The following TENM2 variants were observed in gnomAD, a reference collection of about 807,000 sequenced individuals.
TENM2 encodes teneurin-2.
TENM2 carries 52 observed loss-of-function variants against 245.2 expected under a neutral mutation model. The observed-to-expected ratio is 0.21, with a 90% CI of 0.17 to 0.27. TENM2 has a LOEUF of 0.27. Among genes scored for constraint, TENM2 ranks in the 10% least tolerant of loss-of-function variants. The pLI is 1.00. For synonymous variants in TENM2, 1,363 were observed against 1,438.9 expected, an observed-to-expected ratio of 0.95 and a Z score of 1.19; for missense variants, 3,046 against 3,666.8, an observed-to-expected ratio of 0.83 and a Z score of 4.37.
intron 4 of TENM2, among the ~76,000 whole-genome samples, chr5:167,969,806 G>A (rs1230851954): frequency 6.6e-6 from 1 of 152,194 alleles, no homozygotes; most frequent in Non-Finnish European, 1.5e-5. Context: ...TGAGTCTCAT[G>A]GAATCCAACT....
At chr5:167,319,532 T>A (rs1408791266) in intron 1 of TENM2, among the ~76,000 whole-genome samples, 1 of 152,196 alleles carries the variant, frequency 6.6e-6, no homozygotes, top group Non-Finnish European at 1.5e-5. Flanking sequence ...GAATCACAGA[T>A]GGTTAATACT....
At chr5:168,022,435 A>C (rs1365756183) in intron 5 of TENM2, among the ~76,000 whole-genome samples, 1 of 152,222 alleles carries the variant, frequency 6.6e-6, no homozygotes, top group African/African-American at 2.4e-5. Context: ...CCCAAATCCT[A>C]CTGAAAGAAA....
chr5:167,468,548 C>T (rs1310603017), intron 2 of TENM2, among the ~76,000 whole-genome samples: 2 of 151,996 alleles, frequency 1.3e-5, no homozygotes, highest in Non-Finnish European at 2.9e-5. Flanking sequence ...CCTATGAGGG[C>T]ATCATTATTA....
intron 2 of TENM2, among the ~76,000 whole-genome samples, chr5:167,742,997 A>G (rs950259651): frequency 6.6e-6 from 1 of 151,438 alleles, no homozygotes. Flanking sequence ...AACAACAACA[A>G]CAACAACAAC....
chr5:167,135,872 T>C, the TENM2 span, among the ~76,000 whole-genome samples: 2 of 152,216 alleles, frequency 1.3e-5, no homozygotes, highest in Non-Finnish European at 2.9e-5. Context: ...TGATCTTGGT[T>C]ATCTGTCCTG....
chr5:167,955,153 G>A (rs945830469), intron 4 of TENM2, among the ~76,000 whole-genome samples: 5 of 152,160 alleles, frequency 3.3e-5, no homozygotes, highest in Admixed American at 2.6e-4. Flanking sequence ...TTCAATGATC[G>A]CCATTGTAAC....
chr5:167,002,296 T>C, the TENM2 span, among the ~76,000 whole-genome samples: 11 of 152,294 alleles, frequency 7.2e-5, no homozygotes, highest in Admixed American at 6.5e-4. Flanking sequence ...AAATTGTATG[T>C]GAACTCTTTC....
At chr5:167,071,425 C>A in the TENM2 span, among the ~76,000 whole-genome samples, 1 of 152,052 alleles carries the variant, frequency 6.6e-6, no homozygotes, top group Non-Finnish European at 1.5e-5. Flanking sequence ...AGGAGGGAAT[C>A]AAAGAACCGT....
chr5:168,154,517 G>A (rs1023510604), intron 12 of TENM2, among the ~76,000 whole-genome samples: 5 of 152,150 alleles, frequency 3.3e-5, no homozygotes, highest in East Asian at 1.9e-4. Flanking sequence ...GAGCTACCGC[G>A]CCTGGCCCCT....
At chr5:167,416,708 G>GTT (rs1352936284) in intron 2 of TENM2, among the ~76,000 whole-genome samples, 1 of 104,432 alleles carries the variant, frequency 9.6e-6, no homozygotes, top group Non-Finnish European at 2.0e-5. Flanking sequence ...TTTTTGTTTT[G>GTT]TTTTTTCATT....
intron 2 of TENM2, among the ~76,000 whole-genome samples, chr5:167,637,478 C>A (rs899497420): frequency 6.6e-6 from 1 of 151,882 alleles, no homozygotes; most frequent in African/African-American, 2.4e-5. Flanking sequence ...TGGTATATAC[C>A]CAAAGGATTA....
chr5:168,102,247 A>T (rs1793880168), intron 9 of TENM2, among the ~76,000 whole-genome samples: 1 of 152,020 alleles, frequency 6.6e-6, no homozygotes, highest in African/African-American at 2.4e-5. Context: ...CTAATTTTGT[A>T]TGTTTAGTAA....
At chr5:167,423,120 C>T (rs934811249) in intron 2 of TENM2, among the ~76,000 whole-genome samples, 8 of 151,842 alleles carry the variant, frequency 5.3e-5, no homozygotes, top group African/African-American at 1.9e-4. Flanking sequence ...ACAAAAAATA[C>T]ACATTGTTAG....
At chr5:167,339,096 A>C (rs1757947588) in intron 1 of TENM2, among the ~76,000 whole-genome samples, 1 of 152,168 alleles carries the variant, frequency 6.6e-6, no homozygotes, top group Non-Finnish European at 1.5e-5. Flanking sequence ...ATTGTATCTC[A>C]ACAGTTCCAA....
chr5:168,128,855 A>G (rs1796037288), intron 12 of TENM2: 1 of 152,222 alleles, frequency 6.6e-6, no homozygotes, highest in Admixed American at 6.5e-5. Context: ...TTATTACAGG[A>G]CACCCACACC....
At chr5:168,262,261 T>C (rs1307030572) in exon 29 of TENM2, 10 of 1,607,362 alleles carry the variant, frequency 6.2e-6, no homozygotes, top group Non-Finnish European at 6.8e-6. Context: ...CCAGCGAAGA[T>C]AGCCGCAAGG....
the TENM2 span, among the ~76,000 whole-genome samples, chr5:167,035,424 G>T: frequency 1.3e-5 from 2 of 152,306 alleles, no homozygotes; most frequent in East Asian, 1.9e-4. Context: ...TAGTGCATCT[G>T]CTTATTTAAA....
intron 23 of TENM2, among the ~76,000 whole-genome samples, chr5:168,219,990 G>A (rs1044123062): frequency 6.6e-6 from 1 of 152,130 alleles, no homozygotes; most frequent in Admixed American, 6.6e-5. Flanking sequence ...TTAGTGCATT[G>A]CAGAAGAATT....
At chr5:167,094,676 A>G in the TENM2 span, among the ~76,000 whole-genome samples, 5 of 152,128 alleles carry the variant, frequency 3.3e-5, no homozygotes, top group Admixed American at 2.6e-4. Context: ...CTCACTGTGG[A>G]GAAGACCCGG....
Sources: allele counts gnomAD v4.1 joint callset (sites outside exome capture counted in the v4.1 genomes callset), GRCh38; gene constraint gnomAD v4.1.1; transcripts MANE v1.5; gene names NCBI Gene and HGNC (gene_info 2026-07-23, HGNC 2026-07-21).